The following PTPRK variants were observed in gnomAD, a reference collection of about 807,000 sequenced individuals.
PTPRK encodes receptor-type tyrosine-protein phosphatase kappa.
A neutral mutation model predicts 178.0 loss-of-function variants in PTPRK; 75 were observed. The observed-to-expected ratio is 0.42, with a 90% CI of 0.35 to 0.51. The LOEUF (loss-of-function observed/expected upper bound fraction) is 0.51. Ranked by LOEUF, PTPRK falls within the 20% of genes least tolerant of loss-of-function variation. PTPRK has a pLI of 0.02. For synonymous variants in PTPRK, 637 were observed against 620.6 expected, an observed-to-expected ratio of 1.03 and a Z score of -0.39; for missense variants, 1,441 against 1,797.8, an observed-to-expected ratio of 0.80 and a Z score of 3.59.
At chr6:128,086,039 TATC>T (rs1304073232) in intron 8 of PTPRK, among the ~76,000 whole-genome samples, 2 of 152,202 alleles carry the variant, frequency 1.3e-5, no homozygotes, top group Non-Finnish European at 2.9e-5. Flanking sequence ...CTAAAACCAT[TATC>T]ATGGCAGTCT....
chr6:128,424,113 G>C (rs1336548117), intron 1 of PTPRK, among the ~76,000 whole-genome samples: 1 of 151,126 alleles, frequency 6.6e-6, no homozygotes, highest in African/African-American at 2.4e-5. Flanking sequence ...GGTGCCTGTA[G>C]TCCCAGTTAC....
At position 128,244,402 on chromosome 6, in the gene PTPRK, A is replaced by C. The variant is rs182287985; in HGVS notation, c.496-1800T>G. ...GCATAAGAAGATAAATAAGAGAAGA[A>C]AACTACTGGAAATGAAAGTCAAGAC... On this transcript the variant is annotated intron_variant, in intron 3 of 29. Transcript: ENST00000368226. 9.9e-5 allele frequency among the ~76,000 whole-genome samples: 15 copies of C among 152,282 alleles called. No individual in the cohort carries two copies. The East Asian group carries it at 2.9e-3, about 29-fold the overall frequency.
At chr6:128,188,921 G>A (rs1803235724) in intron 6 of PTPRK, among the ~76,000 whole-genome samples, 1 of 152,114 alleles carries the variant, frequency 6.6e-6, no homozygotes, top group Non-Finnish European at 1.5e-5. Context: ...GGCCCCATAT[G>A]TATAATCCAG....
rs1023883792 is a variant in PTPRK at position 128,415,853 on chromosome 6, T to TA, written c.101-18166dup. ...TTACTATTCAAAATAACTGAAAATT[T>TA]AAAAAAAAATTCCATTCCTATATAT... On this transcript the variant is annotated intron_variant, in intron 1 of 29. Coordinates refer to ENST00000368226, the MANE Select transcript of PTPRK (RefSeq NM_002844.4). Among the ~76,000 whole-genome samples, 15 of 151,868 alleles carry TA rather than the reference T, an allele frequency of 9.9e-5. No homozygotes were observed. The South Asian group carries it at 1.2e-3, about 13-fold the overall frequency.
At chr6:128,033,687 C>G (rs112965004) in intron 13 of PTPRK, among the ~76,000 whole-genome samples, 2 of 151,918 alleles carry the variant, frequency 1.3e-5, no homozygotes, top group Non-Finnish European at 2.9e-5. Flanking sequence ...GCCTGGGCTA[C>G]GTAGAGAGAT....
chr6:127,997,066 A>G (rs1777235352), intron 16 of PTPRK, 78 bp from the exon 17 acceptor site: 1 of 1,459,808 alleles, frequency 6.9e-7, no homozygotes, highest in Non-Finnish European at 9.4e-7. Flanking sequence ...GAAGCCCCAA[A>G]TAGTAAAAAC....
chr6:128,302,391 CAAAAAA>C (rs534525238), intron 3 of PTPRK, among the ~76,000 whole-genome samples: 8 of 30,910 alleles, frequency 2.6e-4, no homozygotes, highest in African/African-American at 2.4e-4. Context: ...GACTCAATTC[CAAAAAA>C]AAAAAAAAAA....
chr6:128,445,520 A>G (rs985749915), intron 1 of PTPRK, among the ~76,000 whole-genome samples: 2 of 150,498 alleles, frequency 1.3e-5, no homozygotes, highest in African/African-American at 4.9e-5. Flanking sequence ...TTACATATAA[A>G]GTATATGTAT....
At chr6:128,154,226 A>G (rs534709019) in intron 7 of PTPRK, among the ~76,000 whole-genome samples, 2 of 151,864 alleles carry the variant, frequency 1.3e-5, no homozygotes, top group African/African-American at 4.8e-5. Context: ...TAAAATTGAG[A>G]ATTTGTATAT....
At chr6:128,472,423 C>A (rs1183712432) in intron 1 of PTPRK, among the ~76,000 whole-genome samples, 2 of 121,180 alleles carry the variant, frequency 1.7e-5, no homozygotes, top group South Asian at 2.5e-4. Context: ...TTTTGACACC[C>A]CCCCCCCCTT....
chr6:128,065,915 G>C (rs77083637), intron 12 of PTPRK, among the ~76,000 whole-genome samples: 1,892 of 152,218 alleles, frequency 0.012, 25 homozygotes, highest in Non-Finnish European at 0.022. Context: ...AAAACTCTTT[G>C]CCAAGATAAC....
chr6:128,364,881 C>T (rs1339065250), intron 2 of PTPRK, among the ~76,000 whole-genome samples: 1 of 151,980 alleles, frequency 6.6e-6, no homozygotes, highest in East Asian at 1.9e-4. Context: ...TTTCCTTTTC[C>T]TGTCATCTTG....
At chr6:128,406,738 G>T (rs1483591360) in intron 1 of PTPRK, among the ~76,000 whole-genome samples, 1 of 152,156 alleles carries the variant, frequency 6.6e-6, no homozygotes, top group African/African-American at 2.4e-5. Context: ...ATCTTTAAAG[G>T]TGTCAACTTC....
intron 7 of PTPRK, among the ~76,000 whole-genome samples, chr6:128,103,792 A>C (rs1281141749): frequency 1.3e-5 from 2 of 152,132 alleles, no homozygotes; most frequent in Non-Finnish European, 2.9e-5. Context: ...TCTCCATACC[A>C]TATCAAATGA....
chr6:128,000,060 C>T (rs1777622945), intron 15 of PTPRK: 1 of 967,698 alleles, frequency 1.0e-6, no homozygotes, highest in Non-Finnish European at 1.2e-6. Context: ...TCATATTTAT[C>T]ACATTTAAAC....
intron 7 of PTPRK, among the ~76,000 whole-genome samples, chr6:128,122,958 G>A (rs1447339052): frequency 1.3e-5 from 2 of 152,204 alleles, no homozygotes; most frequent in East Asian, 3.9e-4. Flanking sequence ...GTGGAATAGT[G>A]GGTCCCGAAA....
chr6:128,352,276 T>C (rs1458923489), intron 2 of PTPRK, among the ~76,000 whole-genome samples: 1 of 106,876 alleles, frequency 9.4e-6, no homozygotes, highest in African/African-American at 3.4e-5. Flanking sequence ...AAAAAAGAAA[T>C]ATTCCATTAG....
chr6:128,491,440 CTT>C (rs1484580772), intron 1 of PTPRK, among the ~76,000 whole-genome samples: 1 of 152,126 alleles, frequency 6.6e-6, no homozygotes, highest in Non-Finnish European at 1.5e-5. Flanking sequence ...GACACAAAGG[CTT>C]TTTGTGTCTC....
chr6:128,063,909 T>C (rs1781303711), intron 13 of PTPRK, among the ~76,000 whole-genome samples: 3 of 152,158 alleles, frequency 2.0e-5, no homozygotes. Context: ...CATTGATTTT[T>C]ACCCCAAATG....
Sources: gnomAD v4.1 joint callset for allele counts (sites outside exome capture counted in the v4.1 genomes callset) on GRCh38, gnomAD v4.1.1 for gene constraint, MANE v1.5 for transcripts, NCBI Gene and HGNC (gene_info 2026-07-23, HGNC 2026-07-21) for gene names.